MAGI3: variants seen among roughly 807,000 people sequenced by gnomAD.
MAGI3 encodes membrane-associated guanylate kinase, WW and PDZ domain-containing protein 3.
MAGI3 carries 43 observed loss-of-function variants against 121.8 expected under a neutral mutation model. The ratio of observed to expected loss-of-function variants is 0.35; its 90% CI spans 0.28 to 0.46. MAGI3 has a LOEUF of 0.46. MAGI3 is among the 20% of genes least tolerant of loss of function. MAGI3 has a pLI of 1.00. For synonymous variants in MAGI3, 553 were observed against 639.3 expected (o/e 0.86, Z 2.04); for missense variants, 1,547 against 1,797.3 (o/e 0.86, Z 2.52).
intron 1 of MAGI3, among the ~76,000 whole-genome samples, chr1:113,469,728 A>G (rs750942670): frequency 6.6e-6 from 1 of 152,160 alleles, no homozygotes; most frequent in African/African-American, 2.4e-5. Flanking sequence ...TCTGCTTGGT[A>G]ATAGATTTAT....
intron 9 of MAGI3, among the ~76,000 whole-genome samples, chr1:113,641,673 C>T (rs963152404): frequency 6.6e-6 from 1 of 150,648 alleles, no homozygotes; most frequent in African/African-American, 2.5e-5. Flanking sequence ...TTCACTTGAG[C>T]TTGAAGTCAA....
intron 1 of MAGI3, among the ~76,000 whole-genome samples, chr1:113,505,012 G>T (rs954532647): frequency 5.9e-5 from 9 of 152,136 alleles, no homozygotes; most frequent in African/African-American, 2.2e-4. Context: ...GTATGAGTGT[G>T]TGAACCTACA....
intron 1 of MAGI3, among the ~76,000 whole-genome samples, chr1:113,464,165 C>G (rs902061560): frequency 6.6e-6 from 1 of 152,024 alleles, no homozygotes; most frequent in African/African-American, 2.4e-5. Flanking sequence ...TGCCCATATA[C>G]TTCCTGGCCT....
At chr1:113,630,918 C>G (rs568448781) in intron 9 of MAGI3, among the ~76,000 whole-genome samples, 28 of 152,278 alleles carry the variant, frequency 1.8e-4, no homozygotes, top group African/African-American at 6.7e-4. Context: ...GTCCTTGTGG[C>G]CTAGACTGCC....
chr1:113,551,556 T>C (rs1287425820), intron 2 of MAGI3, among the ~76,000 whole-genome samples: 1 of 152,226 alleles, frequency 6.6e-6, no homozygotes, highest in African/African-American at 2.4e-5. Context: ...TAGCTGCAGA[T>C]TGTAACTTCT....
chr1:113,431,167 C>CATT (rs1274606679), intron 1 of MAGI3, among the ~76,000 whole-genome samples: 2 of 152,028 alleles, frequency 1.3e-5, no homozygotes, highest in Non-Finnish European at 2.9e-5. Flanking sequence ...AATAAAAAAG[C>CATT]ATTAACCTGG....
intron 1 of MAGI3, among the ~76,000 whole-genome samples, chr1:113,534,958 G>C (rs1042710531): frequency 6.6e-6 from 1 of 152,076 alleles, no homozygotes; most frequent in East Asian, 1.9e-4. Flanking sequence ...TCAGTCACTG[G>C]GTCAGGGTAG....
At chr1:113,424,040 C>T (rs972820626) in intron 1 of MAGI3, among the ~76,000 whole-genome samples, 8 of 152,140 alleles carry the variant, frequency 5.3e-5, no homozygotes, top group South Asian at 4.1e-4. Context: ...CCTGCAAGAG[C>T]GCAAGGATAC....
chr1:113,556,552 A>ATT lies in MAGI3; in HGVS notation c.433+6942_433+6943dup, dbSNP rs569112647. 4.5e-3 allele frequency among the ~76,000 whole-genome samples: 526 copies of ATT among 117,550 alleles called. 10 individuals carry two copies. The highest frequency in any genetic ancestry group is 0.025 in the South Asian group (81 of 3,278). The allele number at this position is 117,550 out of a possible 152,430, so 77.1% of individuals were successfully genotyped here. On this transcript the variant is annotated intron_variant, in intron 2 of 20. Coordinates refer to ENST00000307546, the MANE Select transcript of MAGI3 (RefSeq NM_001142782.2). ...TTAAGTGTGTAAGTGTATGATAAAG[A>ATT]TTTTTTTTTTTTTTTTTTTTTTGAG...
At chr1:113,522,185 A>C (rs1658231378) in intron 1 of MAGI3, among the ~76,000 whole-genome samples, 1 of 152,232 alleles carries the variant, frequency 6.6e-6, no homozygotes. Context: ...TATTCACTGC[A>C]ACCTCTGACT....
chr1:113,644,927 T>G (rs1413386335), intron 11 of MAGI3, among the ~76,000 whole-genome samples: 1 of 152,144 alleles, frequency 6.6e-6, no homozygotes, highest in African/African-American at 2.4e-5. Flanking sequence ...TATAGACAAT[T>G]ATATTAAATG....
At chr1:113,635,909 T>C (rs892923387) in intron 9 of MAGI3, among the ~76,000 whole-genome samples, 4 of 152,164 alleles carry the variant, frequency 2.6e-5, no homozygotes, top group Non-Finnish European at 4.4e-5. Context: ...TCAGAGCCTG[T>C]TATTCGTCTA....
chr1:113,633,358 T>G (rs1570970074), intron 9 of MAGI3, among the ~76,000 whole-genome samples: 1 of 137,666 alleles, frequency 7.3e-6, no homozygotes, highest in Non-Finnish European at 1.5e-5. Context: ...GCCTCCCGGG[T>G]TCACGCCATT....
intron 5 of MAGI3, among the ~76,000 whole-genome samples, chr1:113,593,377 CA>C (rs1185631060): frequency 6.6e-6 from 1 of 151,794 alleles, no homozygotes; most frequent in African/African-American, 2.4e-5. Context: ...CCTCTCTCTG[CA>C]AAAAAAATTT....
chr1:113,396,335 A>G (rs1393198623), intron 1 of MAGI3, among the ~76,000 whole-genome samples: 3 of 149,834 alleles, frequency 2.0e-5, no homozygotes, highest in African/African-American at 7.4e-5. Context: ...ACAAAAGATA[A>G]GTGTTTTGGT....
At chr1:113,482,901 G>A (rs1214025672) in intron 1 of MAGI3, among the ~76,000 whole-genome samples, 1 of 151,702 alleles carries the variant, frequency 6.6e-6, no homozygotes, top group Non-Finnish European at 1.5e-5. Flanking sequence ...AACCTCCTGG[G>A]CTCAAGCCAT....
At chr1:113,595,739 A>G (rs1648959962) in intron 6 of MAGI3, among the ~76,000 whole-genome samples, 1 of 152,202 alleles carries the variant, frequency 6.6e-6, no homozygotes, top group Admixed American at 6.5e-5. Flanking sequence ...AGACATAGGA[A>G]GACTTAAAAT....
chr1:113,507,080 C>T (rs1258095830), intron 1 of MAGI3, among the ~76,000 whole-genome samples: 1 of 151,818 alleles, frequency 6.6e-6, no homozygotes, highest in Non-Finnish European at 1.5e-5. Flanking sequence ...GTTAGATGAA[C>T]TTGCCCTGTA....
Position 113,405,474 on chromosome 1 carries a change from C to CAAAA in MAGI3, c.316+14150_316+14153dup, listed in dbSNP as rs5777158. Among the ~76,000 whole-genome samples the CAAAA allele has an allele frequency of 6.4e-4, 35 of 54,350 alleles. 3 individuals are homozygous for CAAAA. The highest frequency in any genetic ancestry group is 1.8e-3 in the African/African-American group (24 of 13,376). The allele number at this position is 54,350 out of a possible 152,430, so 35.7% of individuals were successfully genotyped here. ...CCTGGGCAACAGAGTGAAACTGTCT[C>CAAAA]AAAAAAAAAAAAAAAAAAAAAAAAA... On this transcript the variant is annotated intron_variant, in intron 1 of 20. Coordinates refer to ENST00000307546, the MANE Select transcript of MAGI3 (RefSeq NM_001142782.2).
Sources: gnomAD v4.1 joint callset for allele counts (sites outside exome capture counted in the v4.1 genomes callset) on GRCh38, gnomAD v4.1.1 for gene constraint, MANE v1.5 for transcripts, NCBI Gene and HGNC (gene_info 2026-07-23, HGNC 2026-07-21) for gene names.